Variants in ADAMTSL1 observed in about 807,000 individuals in gnomAD.
ADAMTSL1 encodes the protein ADAMTS-like protein 1.
A neutral mutation model predicts 201.8 loss-of-function variants in ADAMTSL1; 126 were observed. That is an observed-to-expected ratio of 0.62 (90% CI 0.54 to 0.72). The LOEUF is 0.72. Ranked by LOEUF, ADAMTSL1 falls within the 30% of genes least tolerant of loss-of-function variation. The pLI, the probability that ADAMTSL1 is intolerant of heterozygous loss-of-function variation, is 0.00. For missense variants in ADAMTSL1, 2,679 were observed against 2,277.8 expected (o/e 1.18, Z -3.59); for synonymous variants, 1,121 against 903.4 (o/e 1.24, Z -4.32).
At chr9:18,467,404 C>T (rs1380594260) in intron 2 of ADAMTSL1, among the ~76,000 whole-genome samples, 1 of 152,132 alleles carries the variant, frequency 6.6e-6, no homozygotes, top group African/African-American at 2.4e-5. Context: ...TGATCAGTAA[C>T]TCTTTGACAG....
intron 1 of ADAMTSL1, among the ~76,000 whole-genome samples, chr9:18,161,279 T>G (rs1483716772): frequency 6.6e-6 from 1 of 152,060 alleles, no homozygotes; most frequent in East Asian, 1.9e-4. Context: ...TTTGAGTCAT[T>G]TTTGTCTATT....
At chr9:18,069,784 T>G (rs1822874016) in intron 1 of ADAMTSL1, among the ~76,000 whole-genome samples, 1 of 152,170 alleles carries the variant, frequency 6.6e-6, no homozygotes, top group South Asian at 2.1e-4. Context: ...GCTATAGTAG[T>G]CCATGAGAAA....
chr9:18,774,228 C>G lies in ADAMTSL1; in HGVS notation c.2398-1515C>G, dbSNP rs532900822. ...TACAATGTTGCCAGATTAACCTTCT[C>G]AAAACACCTCTTTCATCATGTCACC... is the stretch of plus-strand genomic sequence containing the variant. On this transcript the variant is annotated intron_variant, in intron 17 of 28. Coordinates refer to ENST00000380548, the MANE Select transcript of ADAMTSL1 (RefSeq NM_001040272.6). Among the ~76,000 whole-genome samples, 220 of 152,114 alleles carry G rather than the reference C, an allele frequency of 1.4e-3. 1 individual carries two copies. Among genetic ancestry groups the G allele is most frequent in the African/African-American group, 5.2e-3 (217 of 41,496 alleles).
chr9:18,427,428 A>G (rs1040337070), intron 2 of ADAMTSL1, among the ~76,000 whole-genome samples: 1 of 152,250 alleles, frequency 6.6e-6, no homozygotes, highest in Non-Finnish European at 1.5e-5. Context: ...GTGTTACTAA[A>G]ATATTTGGAA....
chr9:18,516,082 A>G (rs1311259943), intron 2 of ADAMTSL1, among the ~76,000 whole-genome samples: 2 of 118,586 alleles, frequency 1.7e-5, no homozygotes, highest in Non-Finnish European at 3.5e-5. Context: ...CCTCACCTCA[A>G]CTACCAAAAA....
intron 4 of ADAMTSL1, among the ~76,000 whole-genome samples, chr9:18,602,371 T>C (rs1803321777): frequency 6.6e-6 from 1 of 152,210 alleles, no homozygotes; most frequent in Non-Finnish European, 1.5e-5. Flanking sequence ...TTCACCAGGG[T>C]TCAAACAATT....
intron 1 of ADAMTSL1, among the ~76,000 whole-genome samples, chr9:18,044,367 G>A (rs1234161611): frequency 2.0e-5 from 3 of 152,132 alleles, no homozygotes; most frequent in African/African-American, 7.2e-5. Flanking sequence ...AGGCAGAGAA[G>A]GTGGTGGTGC....
chr9:18,757,969 T>C (rs888726445), intron 16 of ADAMTSL1, among the ~76,000 whole-genome samples: 1 of 152,240 alleles, frequency 6.6e-6, no homozygotes, highest in African/African-American at 2.4e-5. Context: ...CTAGACACTT[T>C]ACATATTTAA....
At chr9:18,244,626 C>T (rs542381246) in intron 2 of ADAMTSL1, among the ~76,000 whole-genome samples, 17 of 152,208 alleles carry the variant, frequency 1.1e-4, no homozygotes, top group African/African-American at 2.6e-4. Context: ...GCTTCCTTCT[C>T]GGGACTTTCT....
At chr9:18,725,089 G>A (rs1817791852) in intron 15 of ADAMTSL1, among the ~76,000 whole-genome samples, 1 of 152,106 alleles carries the variant, frequency 6.6e-6, no homozygotes. Context: ...TGTATTTTTA[G>A]TAGGGACGGG....
At chr9:18,793,974 T>A (rs952712778) in intron 19 of ADAMTSL1, among the ~76,000 whole-genome samples, 4 of 152,008 alleles carry the variant, frequency 2.6e-5, no homozygotes, top group Admixed American at 2.6e-4. Context: ...GTGGAGTGGG[T>A]TTGAAGCTCA....
intron 2 of ADAMTSL1, among the ~76,000 whole-genome samples, chr9:18,376,817 CTTAATG>C (rs1416511582): frequency 1.7e-4 from 26 of 152,108 alleles, no homozygotes; most frequent in Non-Finnish European, 2.2e-4. Flanking sequence ...AAAAAAAAGA[CTTAATG>C]TTGATGTTTG....
At chr9:18,253,304 C>T (rs1026214779) in intron 2 of ADAMTSL1, among the ~76,000 whole-genome samples, 4 of 152,122 alleles carry the variant, frequency 2.6e-5, no homozygotes, top group African/African-American at 9.6e-5. Context: ...ATGAAAGGGA[C>T]CCTGGGTGGA....
At chr9:18,243,950 T>C (rs891267691) in intron 2 of ADAMTSL1, among the ~76,000 whole-genome samples, 3 of 152,134 alleles carry the variant, frequency 2.0e-5, no homozygotes, top group Non-Finnish European at 4.4e-5. Flanking sequence ...TGCAGTCATA[T>C]GCTCTTCTTC....
At chr9:17,957,764 A>T (rs1160108679) in intron 1 of ADAMTSL1, among the ~76,000 whole-genome samples, 2 of 152,172 alleles carry the variant, frequency 1.3e-5, no homozygotes, top group African/African-American at 4.8e-5. Context: ...CAGACATGAG[A>T]TGCAGAGAAG....
rs192998399 is a variant in ADAMTSL1, at chr9:18,466,074, T to G, written c.208-38755T>G. Among the ~76,000 whole-genome samples the G allele has an allele frequency of 1.4e-4, 21 of 152,252 alleles. No homozygotes were observed. The East Asian group carries it at 3.5e-3, about 25-fold the overall frequency. ...CTTCAAGTATCTTATTTAAAAGAAC[T>G]TTTCATTCTCTTAAAACACAGATGG... On this transcript the variant is annotated intron_variant, in intron 2 of 29. Transcript: ENST00000680146.
At chr9:18,593,642 T>C (rs547984338) in intron 4 of ADAMTSL1, among the ~76,000 whole-genome samples, 1 of 152,238 alleles carries the variant, frequency 6.6e-6, no homozygotes, top group Admixed American at 6.5e-5. Flanking sequence ...TTTTCAATTT[T>C]CTTCTTAATG....
At chr9:18,451,095 G>A (rs961523647) in intron 2 of ADAMTSL1, among the ~76,000 whole-genome samples, 2 of 152,130 alleles carry the variant, frequency 1.3e-5, no homozygotes, top group Non-Finnish European at 2.9e-5. Flanking sequence ...GTAAGAAGGG[G>A]GATTGGGATA....
chr9:18,887,898 T>C lies in ADAMTSL1; in HGVS notation c.4317T>C (p.Thr1439=). 1 of 1,614,000 alleles carries C rather than the reference T, an allele frequency of 6.2e-7. No homozygotes were observed. The highest frequency in any genetic ancestry group is 1.1e-5 in the South Asian group (1 of 91,058). Residue 1439 remains threonine, a synonymous_variant, in exon 24 of 29, where the codon ACT becomes ACC. Coordinates refer to ENST00000380548, the MANE Select transcript of ADAMTSL1 (RefSeq NM_001040272.6). The part of the protein sequence containing the change: ...TWFHGGQPIV[T]ATGLTHHILA... ...TTCATGGTGGTCAGCCAATTGTCAC[T>C]GCCACAGGACTGACGCATCACATCT...
Sources: allele counts gnomAD v4.1 joint callset (sites outside exome capture counted in the v4.1 genomes callset), GRCh38; gene constraint gnomAD v4.1.1; transcripts MANE v1.5; gene names NCBI Gene and HGNC (gene_info 2026-07-23, HGNC 2026-07-21).